The following NLGN1 variants were observed in gnomAD, a reference collection of about 807,000 sequenced individuals.
The protein encoded by NLGN1 is neuroligin 1.
Under a neutral mutation model 65.5 loss-of-function variants are expected in NLGN1, and 12 were observed. That is an observed-to-expected ratio of 0.18 (90% CI 0.12 to 0.30). The LOEUF is 0.30. NLGN1 is among the 10% of genes least tolerant of loss of function. The probability of loss-of-function intolerance (pLI) is 1.00; values close to 1 mark genes in which losing one functional copy is unlikely to be tolerated. For synonymous variants in NLGN1, 350 were observed against 359.5 expected (o/e 0.97, Z 0.30); for missense variants, 750 against 1,007.1 (o/e 0.74, Z 3.46).
intron 3 of NLGN1, among the ~76,000 whole-genome samples, chr3:173,697,923 T>G (rs1448740230): frequency 1.3e-5 from 2 of 152,180 alleles, no homozygotes; most frequent in Non-Finnish European, 2.9e-5. Flanking sequence ...GTGCACTTTT[T>G]AGTAATACAT....
chr3:173,881,108 TTTTTTTG>T (rs1254418355), intron 4 of NLGN1, among the ~76,000 whole-genome samples: 4 of 142,410 alleles, frequency 2.8e-5, no homozygotes, highest in South Asian at 2.2e-4. Context: ...TTTTTTTTTT[TTTTTTTG>T]AGACAGAGCT....
chr3:173,444,564 A>G (rs1719822501), intron 2 of NLGN1, among the ~76,000 whole-genome samples: 1 of 152,174 alleles, frequency 6.6e-6, no homozygotes, highest in African/African-American at 2.4e-5. Flanking sequence ...AAAAAAATAT[A>G]TATATTCACT....
intron 4 of NLGN1, among the ~76,000 whole-genome samples, chr3:173,906,245 C>T (rs1181801829): frequency 1.3e-5 from 2 of 152,156 alleles, no homozygotes; most frequent in Non-Finnish European, 2.9e-5. Flanking sequence ...TGCACTGGAT[C>T]GTATTGCTCT....
At chr3:174,109,559 T>G (rs1714728956) in intron 4 of NLGN1, among the ~76,000 whole-genome samples, 1 of 152,084 alleles carries the variant, frequency 6.6e-6, no homozygotes, top group Admixed American at 6.6e-5. Flanking sequence ...GGATCTTTTC[T>G]CTTTTTCATA....
chr3:173,911,775 A>G (rs1195376141), intron 4 of NLGN1, among the ~76,000 whole-genome samples: 3 of 152,208 alleles, frequency 2.0e-5, no homozygotes, highest in African/African-American at 4.8e-5. Context: ...ATAATAGTGT[A>G]TCTCAAACCA....
intron 2 of NLGN1, among the ~76,000 whole-genome samples, chr3:173,584,399 A>ACT (rs1746939152): frequency 3.2e-5 from 1 of 30,798 alleles, no homozygotes; most frequent in South Asian, 2.2e-3. Context: ...GGTCCTCGGC[A>ACT]TTTTTTTTTT....
intron 3 of NLGN1, among the ~76,000 whole-genome samples, chr3:173,778,897 CA>C (rs1260734135): frequency 6.6e-6 from 1 of 151,222 alleles, no homozygotes; most frequent in East Asian, 1.9e-4. Context: ...AACTAACTTA[CA>C]GTGGTAAAAT....
chr3:173,987,137 A>C lies in NLGN1; in HGVS notation c.646+179305A>C, dbSNP rs576629210. Among the ~76,000 whole-genome samples, 4 of 152,302 alleles carry C rather than the reference A, an allele frequency of 2.6e-5. No homozygotes were observed. In the East Asian group the frequency reaches 7.7e-4, roughly 29 times the overall value. ...GATGTTAGAAACAGGTAATATAGAA[A>C]ATTGAAGTGAATCTTCCCTGAAATT... On this transcript the variant is annotated intron_variant, in intron 4 of 6. Coordinates refer to ENST00000457714, the Ensembl canonical transcript of NLGN1.
chr3:173,926,447 G>T (rs1316639554), intron 4 of NLGN1, among the ~76,000 whole-genome samples: 1 of 152,130 alleles, frequency 6.6e-6, no homozygotes, highest in African/African-American at 2.4e-5. Context: ...TCACCTAAGT[G>T]GTTTGCTGAG....
exon 5 of NLGN1, chr3:174,275,349 G>T (rs756985901): frequency 1.2e-6 from 2 of 1,612,584 alleles, no homozygotes; most frequent in Non-Finnish European, 1.7e-6. Flanking sequence ...CTGCAAAGGG[G>T]AACTATGGAC....
At chr3:174,056,512 G>C (rs1029474264) in intron 4 of NLGN1, among the ~76,000 whole-genome samples, 1 of 151,820 alleles carries the variant, frequency 6.6e-6, no homozygotes, top group African/African-American at 2.4e-5. Context: ...CTTAAAAAAC[G>C]AGTAAGCTTT....
intron 3 of NLGN1, among the ~76,000 whole-genome samples, chr3:173,799,563 G>A (rs1020754741): frequency 2.6e-5 from 4 of 151,866 alleles, no homozygotes; most frequent in Non-Finnish European, 2.9e-5. Context: ...TATAAGCCCT[G>A]ACTCGGTAAC....
At chr3:173,670,831 C>T (rs189558613) in intron 3 of NLGN1, among the ~76,000 whole-genome samples, 2,022 of 151,934 alleles carry the variant, frequency 0.013, 22 homozygotes, top group Non-Finnish European at 0.021. Context: ...TCTTAAAGTT[C>T]TTAGCATAAA....
intron 4 of NLGN1, chr3:174,180,669 G>C (rs1312877358): frequency 6.6e-6 from 1 of 152,042 alleles, no homozygotes; most frequent in Non-Finnish European, 1.5e-5. Flanking sequence ...TCAGTAATTA[G>C]GAATTCAGTT....
At chr3:173,429,871 T>TA (rs1240476344) in intron 1 of NLGN1, among the ~76,000 whole-genome samples, 1 of 152,182 alleles carries the variant, frequency 6.6e-6, no homozygotes, top group Non-Finnish European at 1.5e-5. Context: ...GTACCTCCCC[T>TA]AAAGCATGTT....
intron 4 of NLGN1, among the ~76,000 whole-genome samples, chr3:174,023,876 T>C (rs1387688010): frequency 1.3e-5 from 2 of 152,122 alleles, no homozygotes; most frequent in East Asian, 1.9e-4. Context: ...CAGACTGATC[T>C]GGAAAATGGG....
chr3:173,818,878 T>A (rs1719573444), intron 4 of NLGN1, among the ~76,000 whole-genome samples: 1 of 147,540 alleles, frequency 6.8e-6, no homozygotes, highest in African/African-American at 2.5e-5. Flanking sequence ...TTAATTTTGT[T>A]CTGCCTTTGA....
chr3:173,913,688 T>G (rs531583228), intron 4 of NLGN1, among the ~76,000 whole-genome samples: 2 of 152,192 alleles, frequency 1.3e-5, no homozygotes, highest in Non-Finnish European at 2.9e-5. Flanking sequence ...GCAAAAAGTA[T>G]GTCGAGCAGA....
intron 4 of NLGN1, among the ~76,000 whole-genome samples, chr3:174,121,570 C>T (rs1717783572): frequency 6.6e-6 from 1 of 152,126 alleles, no homozygotes. Context: ...ACTAGACTTC[C>T]AGCACAGGAA....
Sources: allele counts gnomAD v4.1 joint callset (sites outside exome capture counted in the v4.1 genomes callset), GRCh38; gene constraint gnomAD v4.1.1; transcripts MANE v1.5; gene names NCBI Gene and HGNC (gene_info 2026-07-23, HGNC 2026-07-21).